CCNF: variants seen among roughly 807,000 people sequenced by gnomAD.
CCNF encodes cyclin F.
CCNF carries 30 observed loss-of-function variants against 85.4 expected under a neutral mutation model. That is an observed-to-expected ratio of 0.35 (90% confidence interval 0.26 to 0.48). The LOEUF is 0.48. Among genes scored for constraint, CCNF ranks in the 20% least tolerant of loss-of-function variants. The pLI, the probability that CCNF is intolerant of heterozygous loss-of-function variation, is 0.99. For synonymous variants in CCNF, 439 were observed against 425.1 expected (o/e 1.03, Z -0.40); for missense variants, 919 against 1,010.4 (o/e 0.91, Z 1.23).
chr16:2,453,671 C>T lies in CCNF; in HGVS notation c.1715+134C>T. 1 of 1,185,888 alleles carries T rather than the reference C, an allele frequency of 8.4e-7. No homozygotes were observed. Among genetic ancestry groups the T allele is most frequent in the South Asian group, 1.4e-5 (1 of 72,092 alleles). 73.5% of individuals were successfully genotyped at this position (1,185,888 alleles called of 1,614,324 possible). A position where few individuals can be genotyped will look rare whatever the true frequency, so the allele number is the denominator to read the frequency against. Reference sequence around the variant, plus strand: ...AGCAGCAGATCCCAGGACAGTGACCCTGGGACGGAGCCCTGCAGTCATGCC... The same window carrying T: ...AGCAGCAGATCCCAGGACAGTGACCTTGGGACGGAGCCCTGCAGTCATGCC... On this transcript the variant is annotated intron_variant, in intron 15 of 16. Transcript: ENST00000397066. This position sits in a 1 kb window ranked among gnomAD's most constrained non-coding sequence, Gnocchi z 5.6.
intron 11 of CCNF, 51 bp downstream of exon 11, chr16:2,449,029 A>C: frequency 3.3e-6 from 3 of 919,022 alleles, no homozygotes; most frequent in Non-Finnish European, 5.2e-6. Context: ...GCTGTGCTGG[A>C]GGGTGGGGGT....
chr16:2,451,652 G>A lies in CCNF; in HGVS notation c.1488-1558G>A, dbSNP rs888149014. On this transcript the variant is annotated intron_variant, in intron 13 of 16. Transcript: ENST00000397066. This position sits in a 1 kb window ranked among gnomAD's most constrained non-coding sequence, Gnocchi z 4.3. Reference sequence around the variant, plus strand: ...TGCAGCCCTGACCTCCCGGGCTCAAGGGATTCTTTTGTGTCAGCCTCCCGA... The same window carrying A: ...TGCAGCCCTGACCTCCCGGGCTCAAAGGATTCTTTTGTGTCAGCCTCCCGA... 6.6e-6 allele frequency among the ~76,000 whole-genome samples: 1 copy of A among 152,162 alleles called. No individual in the cohort carries two copies. Among genetic ancestry groups the A allele is most frequent in the African/African-American group, 2.4e-5 (1 of 41,438 alleles).
chr16:2,456,382 G>T lies in CCNF; in HGVS notation c.1886-163G>T. The T allele has an allele frequency of 2.1e-6, 1 of 480,404 alleles. No individual in the cohort carries two copies. The highest frequency in any genetic ancestry group is 4.7e-5 in the South Asian group (1 of 21,256). The allele number at this position is 480,404 out of a possible 1,614,324, so 29.8% of individuals were successfully genotyped here. A position where few individuals can be genotyped will look rare whatever the true frequency, so the allele number is the denominator to read the frequency against. On this transcript the variant is annotated intron_variant, in intron 16 of 16. Transcript: ENST00000397066. The surrounding 1 kb of genome is among the most constrained non-coding windows in gnomAD (Gnocchi z 4.5). ...GTCATGGCGGGCAGCTGTCCAACTT[G>T]GAAGAGGCATGTCACCCACGCTTCT...
At chr16:2,441,521 C>A (rs1206528395) in intron 8 of CCNF, among the ~76,000 whole-genome samples, 1 of 151,528 alleles carries the variant, frequency 6.6e-6, no homozygotes, top group African/African-American at 2.4e-5. Flanking sequence ...AATCCCAACA[C>A]TTTGGGAGGC....
chr16:2,440,488 G>T (rs369103056), intron 8 of CCNF, among the ~76,000 whole-genome samples: 1 of 152,022 alleles, frequency 6.6e-6, no homozygotes, highest in Non-Finnish European at 1.5e-5. Flanking sequence ...GTGGTGGCAG[G>T]CACCTGATAC....
At position 2,443,710 on chromosome 16, in the gene CCNF, G is replaced by A. The variant is rs758720929; in HGVS notation, c.839G>A (p.Ser280Asn). 1.2e-6 allele frequency: 2 copies of A among 1,614,058 alleles called. No individual in the cohort carries two copies. The highest frequency in any genetic ancestry group is 1.7e-6 in the Non-Finnish European group (2 of 1,180,034). The part of the protein sequence containing the change: ...NQLGLEVRAS[S>N]EIVCQLFQAS... The stretch of plus-strand genomic sequence containing the variant: ...CTTGGACTGGAGGTGAGAGCTTCCA[G>A]TGAGATCGTCTGCCAGCTATTTCAG... The change falls in exon 9 of 17, where the codon AGT (serine) becomes AAT (asparagine). Residue 280 changes from serine to asparagine, a missense_variant. Ser to Asn is a conservative substitution (Grantham distance 46). This residue lies in a region of CCNF where 410 missense variants were observed against 478.6 expected (regional missense o/e 0.86). Coordinates refer to ENST00000397066, the MANE Select transcript of CCNF (RefSeq NM_001761.3).
In CCNF at chr16:2,452,851, C is replaced by T; in HGVS notation, c.1488-359C>T. The T allele has an allele frequency of 3.4e-6, 1 of 292,140 alleles. No individual in the cohort carries two copies. 18.1% of individuals were successfully genotyped at this position (292,140 alleles called of 1,614,324 possible). On this transcript the variant is annotated intron_variant, in intron 13 of 16. Coordinates refer to ENST00000397066, the MANE Select transcript of CCNF (RefSeq NM_001761.3). The surrounding 1 kb of genome is among the most constrained non-coding windows in gnomAD (Gnocchi z 4.1). ...TCGCGGTAACGTTTGCTGGGTTTGTCCATGTGGTGTGTGTCCCTGCTTTGT... is the reference window on the plus strand; with the variant it reads ...TCGCGGTAACGTTTGCTGGGTTTGTTCATGTGGTGTGTGTCCCTGCTTTGT...
In CCNF at chr16:2,451,975, T is replaced by C. The variant is rs998746277; in HGVS notation, c.1488-1235T>C. Among the ~76,000 whole-genome samples the C allele has an allele frequency of 2.0e-5, 3 of 152,222 alleles. No homozygotes were observed. Among genetic ancestry groups the C allele is most frequent in the African/African-American group, 7.2e-5 (3 of 41,460 alleles). ...GGCCTGTTGCCTGTTCTGGCCCTGG[T>C]GGGTCGTGGTGCATGAAGCCCTGTG... On this transcript the variant is annotated intron_variant, in intron 13 of 16. Transcript: ENST00000397066. This position sits in a 1 kb window ranked among gnomAD's most constrained non-coding sequence, Gnocchi z 4.3.
chr16:2,431,769 T>C (rs886986911), intron 2 of CCNF, among the ~76,000 whole-genome samples: 2 of 151,442 alleles, frequency 1.3e-5, no homozygotes, highest in African/African-American at 4.9e-5. Context: ...ATTACAGAAA[T>C]TCCTACTGCT....
intron 13 of CCNF, among the ~76,000 whole-genome samples, chr16:2,450,486 A>G (rs1292847737): frequency 6.7e-6 from 1 of 149,494 alleles, no homozygotes; most frequent in Non-Finnish European, 1.5e-5. Flanking sequence ...ACTCCAGCCC[A>G]GGCAACGAGT....
chr16:2,456,973 A>G lies in CCNF; in HGVS notation c.2314A>G (p.Ile772Val). 6.2e-7 allele frequency: 1 copy of G among 1,608,468 alleles called. No individual in the cohort carries two copies. Residue 772 changes from isoleucine to valine, a missense_variant, in exon 17 of 17, where the codon ATA becomes GTA. Around this residue, in one of 3 missense-constraint regions of CCNF, gnomAD observed 505 missense variants for 514.8 expected, o/e 0.98. Coordinates refer to ENST00000397066, the MANE Select transcript of CCNF (RefSeq NM_001761.3). This position sits in a 1 kb window ranked among gnomAD's most constrained non-coding sequence, Gnocchi z 4.5. The part of the protein sequence containing the change: ...QQQVKRINLC[I>V]HSEEEDMNLG... ...ACAGGTGAAGCGGATAAACCTATGC[A>G]TACACAGTGAGGAGGAGGACATGAA...
intron 6 of CCNF, among the ~76,000 whole-genome samples, chr16:2,438,929 C>G (rs1179596842): frequency 5.3e-5 from 8 of 151,500 alleles, no homozygotes; most frequent in Non-Finnish European, 7.4e-5. Flanking sequence ...ACCCGGGAAG[C>G]TGAGGTTTTA....
chr16:2,443,616 G>T, intron 8 of CCNF, 33 bp from the exon 9 acceptor site: 1 of 1,605,018 alleles, frequency 6.2e-7, no homozygotes, highest in African/African-American at 1.3e-5. Flanking sequence ...CATGGCTGCT[G>T]TCTCACGCTC....
chr16:2,456,336 G>A lies in CCNF; in HGVS notation c.1886-209G>A. 1 of 483,934 alleles carries A rather than the reference G, an allele frequency of 2.1e-6. No homozygotes were observed. The highest frequency in any genetic ancestry group is 3.2e-5 in the East Asian group (1 of 30,822). 30.0% of individuals were successfully genotyped at this position (483,934 alleles called of 1,614,324 possible). ...TTGGCTTGAGCTAGATGGCCAACTT[G>A]TCATCTCCACATTTGTTGGAGTCAT... On this transcript the variant is annotated intron_variant, in intron 16 of 16. Coordinates refer to ENST00000397066, the MANE Select transcript of CCNF (RefSeq NM_001761.3). The surrounding 1 kb of genome is among the most constrained non-coding windows in gnomAD (Gnocchi z 4.5).
At chr16:2,439,665 C>G (rs1478949543) in intron 7 of CCNF, 84 bp from the exon 8 acceptor site, 1 of 1,152,142 alleles carries the variant, frequency 8.7e-7, no homozygotes, top group Non-Finnish European at 1.3e-6. Context: ...GGGAAGTTAG[C>G]GTAGTGTCGG....
In CCNF at chr16:2,435,753, C is replaced by T; in HGVS notation, c.279-53C>T. Reference sequence around the variant, plus strand: ...GACTTCTTCAAGTGCTGTAGTAGTTCATAACGTTTGTGGCATAAAATATTG... The same window carrying T: ...GACTTCTTCAAGTGCTGTAGTAGTTTATAACGTTTGTGGCATAAAATATTG... On this transcript the variant is annotated intron_variant, in intron 3 of 16. Transcript: ENST00000397066. 4 of 1,329,534 alleles carry T rather than the reference C, an allele frequency of 3.0e-6. 1 individual carries two copies. The highest frequency in any genetic ancestry group is 4.3e-6 in the Non-Finnish European group (4 of 924,954). The allele number at this position is 1,329,534 out of a possible 1,614,324, so 82.4% of individuals were successfully genotyped here.
chr16:2,448,806 C>G (rs1266568499), intron 10 of CCNF, 49 bp from the exon 11 acceptor site: 2 of 1,593,968 alleles, frequency 1.3e-6, no homozygotes, highest in Non-Finnish European at 8.6e-7. Context: ...CGCCCCACCC[C>G]TGCCCCAGGA....
Position 2,431,264 on chromosome 16 carries a change from G to A in CCNF, c.151G>A (p.Asp51Asn). The change falls in exon 2 of 17, where the codon GAC becomes AAC. Residue 51 changes from aspartate to asparagine, a missense_variant. Around this residue, in one of 3 missense-constraint regions of CCNF, gnomAD observed 410 missense variants for 478.6 expected, o/e 0.86. Coordinates refer to ENST00000397066, the MANE Select transcript of CCNF (RefSeq NM_001761.3). ...CATCCTGAAATGGCTTTCTGTAGAGGACATCCTGGCCGTCCGAGCTGTAAG... is the reference window on the plus strand; with the variant it reads ...CATCCTGAAATGGCTTTCTGTAGAGAACATCCTGGCCGTCCGAGCTGTAAG... ...FHILKWLSVE[D>N]ILAVRAVHSQ... The A allele has an allele frequency of 1.2e-6, 2 of 1,614,068 alleles. No homozygotes were observed. The highest frequency in any genetic ancestry group is 1.7e-6 in the Non-Finnish European group (2 of 1,180,024).
intron 8 of CCNF, among the ~76,000 whole-genome samples, chr16:2,440,749 G>A (rs1395658631): frequency 6.6e-6 from 1 of 152,082 alleles, no homozygotes; most frequent in Non-Finnish European, 1.5e-5. Flanking sequence ...CCAGCCCGAG[G>A]TGTCATAGCA....
Sources: allele counts gnomAD v4.1 joint callset (sites outside exome capture counted in the v4.1 genomes callset), GRCh38; gene constraint gnomAD v4.1.1; regional missense constraint gnomAD v4.1.1; non-coding constraint Gnocchi (gnomAD v3.1); transcripts MANE v1.5; gene names NCBI Gene and HGNC (gene_info 2026-07-23, HGNC 2026-07-21).